USH2A: variants seen among roughly 807,000 people sequenced by gnomAD.
USH2A encodes the protein usherin.
Under a neutral mutation model 538.9 loss-of-function variants are expected in USH2A, and 443 were observed. That is an observed-to-expected ratio of 0.82 (90% confidence interval 0.76 to 0.89). The LOEUF is 0.89. Ranked by LOEUF, USH2A falls within the 40% of genes least tolerant of loss-of-function variation. The pLI is 0.00. For missense variants in USH2A, 6,633 were observed against 6,324.8 expected, an observed-to-expected ratio of 1.05 and a Z score of -1.65; for synonymous variants, 2,413 against 2,273.5, an observed-to-expected ratio of 1.06 and a Z score of -1.75.
chr1:216,319,513 G>C (rs191551382), intron 9 of USH2A, among the ~76,000 whole-genome samples: 7 of 152,118 alleles, frequency 4.6e-5, no homozygotes, highest in African/African-American at 1.4e-4. Flanking sequence ...AACCATAAAA[G>C]ATTTCTTCTT....
At chr1:216,169,328 T>C (rs2034231274) in intron 21 of USH2A, among the ~76,000 whole-genome samples, 1 of 151,998 alleles carries the variant, frequency 6.6e-6, no homozygotes, top group South Asian at 2.1e-4. Context: ...TTACCTAACA[T>C]TAATATTTCA....
chr1:215,858,529 G>A (rs1379445117), intron 44 of USH2A, among the ~76,000 whole-genome samples: 1 of 149,494 alleles, frequency 6.7e-6, no homozygotes, highest in Non-Finnish European at 1.5e-5. Flanking sequence ...CTTCTGCCAT[G>A]ATCGTAAGTT....
chr1:215,756,894 C>CAG (rs1244543436), intron 58 of USH2A, among the ~76,000 whole-genome samples: 2 of 151,396 alleles, frequency 1.3e-5, no homozygotes, highest in African/African-American at 2.4e-5. Flanking sequence ...GCCTGGGTGA[C>CAG]AGAGAGAGAG....
chr1:216,113,152 A>AC (rs201780896), intron 21 of USH2A, among the ~76,000 whole-genome samples: 1 of 146,448 alleles, frequency 6.8e-6, no homozygotes, highest in African/African-American at 2.5e-5. Flanking sequence ...AAAAAAAAAA[A>AC]AAAACAAAAC....
At chr1:215,672,281 T>C (rs889684111) in intron 63 of USH2A, among the ~76,000 whole-genome samples, 20 of 152,134 alleles carry the variant, frequency 1.3e-4, no homozygotes, top group Admixed American at 9.8e-4. Context: ...TTCTAGCCTT[T>C]TCCTCTTCTA....
chr1:215,698,841 G>A (rs1382048907), intron 61 of USH2A, among the ~76,000 whole-genome samples: 1 of 152,112 alleles, frequency 6.6e-6, no homozygotes, highest in East Asian at 1.9e-4. Context: ...GATCCCATTT[G>A]TCAATATTAG....
In USH2A at chr1:215,977,967, A is replaced by G. The variant is rs550706471; in HGVS notation, c.6806-7191T>C. ...GTGGCAAAGCCCTGTCTCTACAAAA[A>G]ATGCAAAAAGTTAGTTGGGCATGAT... On this transcript the variant is annotated intron_variant, in intron 35 of 71. Coordinates refer to ENST00000307340, the MANE Select transcript of USH2A (RefSeq NM_206933.4). Among the ~76,000 whole-genome samples the G allele has an allele frequency of 5.3e-5, 8 of 152,252 alleles. No individual in the cohort carries two copies. The South Asian group carries it at 1.7e-3, about 32-fold the overall frequency.
chr1:216,094,036 T>A (rs2032376946), intron 22 of USH2A, among the ~76,000 whole-genome samples: 1 of 152,196 alleles, frequency 6.6e-6, no homozygotes, highest in African/African-American at 2.4e-5. Context: ...TTTAAAGCTC[T>A]ATAAACAAGT....
chr1:216,149,384 C>T lies in USH2A; in HGVS notation c.4627+25868G>A, dbSNP rs200316651. Reference sequence around the variant, plus strand: ...TAGCCAAATCACCAAAGCAGTTTCTCAGGCTCTTGGTATTCAGTGGAACCT... The same window carrying T: ...TAGCCAAATCACCAAAGCAGTTTCTTAGGCTCTTGGTATTCAGTGGAACCT... On this transcript the variant is annotated intron_variant, in intron 21 of 71. Transcript: ENST00000307340. 3.3e-5 allele frequency among the ~76,000 whole-genome samples: 5 copies of T among 152,158 alleles called. No homozygotes were observed. In the East Asian group the frequency reaches 9.6e-4, roughly 29 times the overall value.
chr1:216,311,975 T>C (rs2102638424), intron 9 of USH2A, among the ~76,000 whole-genome samples: 1 of 152,282 alleles, frequency 6.6e-6, no homozygotes, highest in African/African-American at 2.4e-5. Flanking sequence ...AAAAGTTATT[T>C]TATTTATTCT....
chr1:216,090,494 G>A (rs759759673), intron 22 of USH2A, among the ~76,000 whole-genome samples: 2 of 151,436 alleles, frequency 1.3e-5, no homozygotes, highest in Non-Finnish European at 2.9e-5. Context: ...CTCTCACATG[G>A]ACAATATCCC....
chr1:216,218,123 A>G (rs1034322400), intron 14 of USH2A, among the ~76,000 whole-genome samples: 1 of 151,974 alleles, frequency 6.6e-6, no homozygotes, highest in Non-Finnish European at 1.5e-5. Flanking sequence ...GTTATATTTC[A>G]TTTTCTGTTT....
At chr1:215,929,427 C>T (rs1441966970) in intron 38 of USH2A, among the ~76,000 whole-genome samples, 1 of 151,998 alleles carries the variant, frequency 6.6e-6, no homozygotes, top group African/African-American at 2.4e-5. Flanking sequence ...ACAACCACCC[C>T]TTAGCAGGGT....
In USH2A at chr1:216,240,521, TAA is replaced by T. The variant is rs1376457504; in HGVS notation, c.2809+6062_2809+6063del. On this transcript the variant is annotated intron_variant, in intron 13 of 71. Coordinates refer to ENST00000307340, the MANE Select transcript of USH2A (RefSeq NM_206933.4). ...GAGATGGTAAAAACTTCCAGGTCGT[TAA>T]AAAAAAAAAAAAAAGTAGAAAAGAA... Among the ~76,000 whole-genome samples the T allele has an allele frequency of 2.0e-3, 261 of 133,318 alleles. 1 individual carries two copies. Among genetic ancestry groups the T allele is most frequent in the African/African-American group, 4.5e-3 (163 of 36,366 alleles). 87.5% of individuals were successfully genotyped at this position (133,318 alleles called of 152,430 possible).
At chr1:215,893,136 C>A (rs1439241291) in intron 40 of USH2A, among the ~76,000 whole-genome samples, 1 of 152,014 alleles carries the variant, frequency 6.6e-6, no homozygotes, top group Non-Finnish European at 1.5e-5. Context: ...CTGAATTATT[C>A]CAAATATAGC....
At position 215,931,639 on chromosome 1, in the gene USH2A, G is replaced by A. The variant is rs565148084; in HGVS notation, c.7300+2977C>T. ...TGCTGAGGTTGAGATGAGGCCTGGA[G>A]GGCCTGAGTAATAATAAGCTTAAAA... On this transcript the variant is annotated intron_variant, in intron 38 of 71. Transcript: ENST00000307340. Among the ~76,000 whole-genome samples, 862 of 152,068 alleles carry A rather than the reference G, an allele frequency of 5.7e-3. 9 individuals are homozygous for A. Among genetic ancestry groups the A allele is most frequent in the African/African-American group, 0.019 (808 of 41,526 alleles).
Position 215,625,834 on chromosome 1 carries a change from C to T in USH2A, c.15556G>A (p.Asp5186Asn), listed in dbSNP as rs938786712. The change falls in exon 72 of 72, where the codon GAT becomes AAT. Residue 5186 changes from aspartate to asparagine, a missense_variant. By Grantham distance (23) the Asp-to-Asn change is conservative. Coordinates refer to ENST00000307340, the MANE Select transcript of USH2A (RefSeq NM_206933.4). ...CGTTCCTTAGTCACTGAGCTGAAAT[C>T]CTTGATGGCGTTCATCAGGTCCTCT... ...DEEDLMNAIK[D>N]FSSVTKERTT... The T allele has an allele frequency of 1.2e-6, 2 of 1,614,058 alleles. No individual in the cohort carries two copies. Among genetic ancestry groups the T allele is most frequent in the East Asian group, 4.5e-5 (2 of 44,872 alleles).
At chr1:216,036,964 A>G (rs2030014241) in intron 32 of USH2A, among the ~76,000 whole-genome samples, 1 of 152,072 alleles carries the variant, frequency 6.6e-6, no homozygotes, top group South Asian at 2.1e-4. Flanking sequence ...TAAAAATATA[A>G]CCTTTGTTTC....
At chr1:216,149,810 CG>C (rs1341501651) in intron 21 of USH2A, among the ~76,000 whole-genome samples, 1 of 152,022 alleles carries the variant, frequency 6.6e-6, no homozygotes, top group African/African-American at 2.4e-5. Context: ...CTCAATGGAC[CG>C]GACCCTACTT....
Sources: gnomAD v4.1 joint callset for allele counts (sites outside exome capture counted in the v4.1 genomes callset) on GRCh38, gnomAD v4.1.1 for gene constraint, MANE v1.5 for transcripts, NCBI Gene and HGNC (gene_info 2026-07-23, HGNC 2026-07-21) for gene names.